NUP107: variants seen among roughly 807,000 people sequenced by gnomAD.
The protein encoded by NUP107 is nucleoporin 107.
NUP107 carries 101 observed loss-of-function variants against 141.0 expected under a neutral mutation model. The observed-to-expected ratio is 0.72, with a 90% confidence interval of 0.61 to 0.84. The LOEUF (loss-of-function observed/expected upper bound fraction) is 0.84, where lower values mean the gene tolerates loss of function less well. Ranked by LOEUF, NUP107 falls within the 40% of genes least tolerant of loss-of-function variation. The probability of loss-of-function intolerance (pLI) is 0.00; values close to 1 mark genes in which losing one functional copy is unlikely to be tolerated. For synonymous variants in NUP107, 319 were observed against 363.9 expected (o/e 0.88, Z 1.41); for missense variants, 941 against 1,102.7 (o/e 0.85, Z 2.08).
At chr12:68,725,932 G>A in intron 18 of NUP107, 136 bp downstream of exon 18, 2 of 563,642 alleles carry the variant, frequency 3.5e-6, no homozygotes, top group East Asian at 6.3e-5. Flanking sequence ...TGTCTCCTGG[G>A]TTCACAAGAT....
intron 26 of NUP107, among the ~76,000 whole-genome samples, chr12:68,737,869 G>A (rs989568423): frequency 1.3e-5 from 2 of 152,156 alleles, no homozygotes; most frequent in African/African-American, 2.4e-5. Flanking sequence ...ATCTGGGAAC[G>A]GTGGCTCATC....
intron 10 of NUP107, among the ~76,000 whole-genome samples, chr12:68,711,501 A>C (rs933545896): frequency 6.6e-6 from 1 of 151,276 alleles, no homozygotes; most frequent in Admixed American, 6.6e-5. Context: ...GCTCCACTGC[A>C]CTCCAGCCTG....
At chr12:68,724,896 C>A (rs1434079131) in intron 17 of NUP107, among the ~76,000 whole-genome samples, 2 of 152,002 alleles carry the variant, frequency 1.3e-5, no homozygotes, top group Admixed American at 1.3e-4. Context: ...CAGTATAGAA[C>A]TGACATGAAA....
intron 6 of NUP107, among the ~76,000 whole-genome samples, chr12:68,698,198 C>G (rs897829687): frequency 3.9e-5 from 6 of 152,092 alleles, no homozygotes; most frequent in Non-Finnish European, 8.8e-5. Context: ...AGGAGGATCA[C>G]TTGAGGCCAG....
chr12:68,716,136 C>T (rs773784476), intron 12 of NUP107, among the ~76,000 whole-genome samples: 3 of 151,778 alleles, frequency 2.0e-5, no homozygotes, highest in African/African-American at 4.8e-5. Flanking sequence ...AAGTGATCCT[C>T]CCGCCTTGGC....
At chr12:68,707,866 G>T (rs900537685) in intron 8 of NUP107, among the ~76,000 whole-genome samples, 1 of 152,154 alleles carries the variant, frequency 6.6e-6, no homozygotes, top group African/African-American at 2.4e-5. Context: ...GGAGGCCGAG[G>T]CAGGTAGACT....
intron 17 of NUP107, among the ~76,000 whole-genome samples, chr12:68,725,138 A>C (rs976155639): frequency 3.9e-5 from 6 of 152,236 alleles, no homozygotes; most frequent in African/African-American, 1.4e-4. Flanking sequence ...AAAATTAATA[A>C]ATGCTGAAAG....
rs771429407 is a variant in NUP107, at chr12:68,689,518, T to C, written c.101-15T>C. The C allele has an allele frequency of 6.6e-7, 1 of 1,513,592 alleles. No homozygotes were observed. The highest frequency in any genetic ancestry group is 9.0e-7 in the Non-Finnish European group (1 of 1,114,362). The allele number at this position is 1,513,592 out of a possible 1,614,324, so 93.8% of individuals were successfully genotyped here. A position where few individuals can be genotyped will look rare whatever the true frequency, so the allele number is the denominator to read the frequency against. ...TCTTTTCTACATGGAAAACTTTTCT[T>C]AACTCGTTGTACAGTTCAGGCATCT... On this transcript the variant is annotated splice_polypyrimidine_tract_variant and intron_variant, in intron 2 of 27. Coordinates refer to ENST00000229179, the MANE Select transcript of NUP107 (RefSeq NM_020401.4).
chr12:68,712,750 G>A (rs964449748), intron 10 of NUP107, among the ~76,000 whole-genome samples: 4 of 150,556 alleles, frequency 2.7e-5, no homozygotes, highest in Admixed American at 6.6e-5. Flanking sequence ...CCCCACAATA[G>A]ATTCACACTG....
intron 26 of NUP107, chr12:68,740,064 A>G (rs1025901091): frequency 6.6e-6 from 1 of 152,230 alleles, no homozygotes; most frequent in Non-Finnish European, 1.5e-5. Flanking sequence ...TATAATTAGC[A>G]GAAGAGATTG....
At chr12:68,710,931 A>C (rs1295017179) in intron 10 of NUP107, among the ~76,000 whole-genome samples, 1 of 152,166 alleles carries the variant, frequency 6.6e-6, no homozygotes, top group Non-Finnish European at 1.5e-5. Context: ...ACAAATGTAT[A>C]TTCTGTTGGG....
chr12:68,725,296 T>G (rs1359534525), intron 17 of NUP107, among the ~76,000 whole-genome samples: 5 of 152,108 alleles, frequency 3.3e-5, no homozygotes, highest in Non-Finnish European at 7.4e-5. Flanking sequence ...TCACCCTTGG[T>G]GCCATGTACA....
chr12:68,716,209 T>C (rs1181585999), intron 12 of NUP107, among the ~76,000 whole-genome samples: 2 of 142,926 alleles, frequency 1.4e-5, no homozygotes, highest in African/African-American at 5.2e-5. Flanking sequence ...CATTCATTTT[T>C]TTTTCCTTTT....
intron 17 of NUP107, among the ~76,000 whole-genome samples, chr12:68,724,044 A>G (rs1207473807): frequency 6.6e-6 from 1 of 152,194 alleles, no homozygotes; most frequent in Non-Finnish European, 1.5e-5. Context: ...ACATTTATAT[A>G]TGATAAAAAT....
intron 22 of NUP107, 29 bp from the exon 23 acceptor site, chr12:68,732,608 T>C: frequency 2.1e-6 from 3 of 1,427,954 alleles, no homozygotes; most frequent in Non-Finnish European, 2.9e-6. Flanking sequence ...CTGATATTCC[T>C]TTTTCTTTTT....
rs373792373 is a variant in NUP107 at position 68,713,805 on chromosome 12, A to G, written c.966A>G (p.Glu322=). The change falls in exon 11 of 28, where the codon GAA becomes GAG. Residue 322 remains glutamate (E), a synonymous_variant. Transcript: ENST00000229179. The part of the protein sequence containing the change: ...YVGSVRPLVT[E]LDPDAPIRQK... ...GAAGTGTTCGTCCGCTTGTCACTGA[A>G]TTGGTAAATGTTCTTTGAAATGAAA... is the stretch of plus-strand genomic sequence containing the variant. 3.1e-6 allele frequency: 5 copies of G among 1,607,784 alleles called. No individual in the cohort carries two copies. The highest frequency in any genetic ancestry group is 2.7e-5 in the African/African-American group (2 of 74,696).
intron 16 of NUP107, 24 bp from the exon 17 acceptor site, chr12:68,722,080 C>A (rs777955213): frequency 6.2e-7 from 1 of 1,611,976 alleles, no homozygotes; most frequent in Non-Finnish European, 8.5e-7. Flanking sequence ...TAACATTATT[C>A]TTTTCCCGTT....
At chr12:68,700,517 A>G (rs1178092784) in intron 6 of NUP107, among the ~76,000 whole-genome samples, 1 of 152,144 alleles carries the variant, frequency 6.6e-6, no homozygotes, top group East Asian at 1.9e-4. Flanking sequence ...TTATATATAT[A>G]CTCAGATAAA....
chr12:68,722,077 A>G (rs368481537), intron 16 of NUP107, 27 bp from the exon 17 acceptor site: 2 of 1,612,132 alleles, frequency 1.2e-6, no homozygotes, highest in Non-Finnish European at 1.7e-6. Flanking sequence ...TATTAACATT[A>G]TTCTTTTCCC....
Sources: allele counts gnomAD v4.1 joint callset (sites outside exome capture counted in the v4.1 genomes callset), GRCh38; gene constraint gnomAD v4.1.1; transcripts MANE v1.5; gene names NCBI Gene and HGNC (gene_info 2026-07-23, HGNC 2026-07-21).